LEMD1: variants seen among roughly 807,000 people sequenced by gnomAD.
LEMD1 encodes the protein LEM domain-containing protein 1.
Under a neutral mutation model 17.4 loss-of-function variants are expected in LEMD1, and 18 were observed. The ratio of observed to expected loss-of-function variants is 1.04; its 90% CI spans 0.72 to 1.54. The LOEUF is 1.54. Among genes scored for constraint, LEMD1 ranks in the 40% most tolerant of loss-of-function variants. The pLI is 0.00. For synonymous variants in LEMD1, 88 were observed against 77.8 expected (o/e 1.13, Z -0.69); for missense variants, 195 against 210.4 (o/e 0.93, Z 0.45).
upstream of LEMD1, among the ~76,000 whole-genome samples, chr1:205,423,630 T>C (rs1359484322): frequency 6.6e-6 from 1 of 152,238 alleles, no homozygotes; most frequent in Non-Finnish European, 1.5e-5. Flanking sequence ...AATTATTCTC[T>C]TGAAAATCCA....
At chr1:205,438,722 T>A (rs925463944) in intron 1 of LEMD1, among the ~76,000 whole-genome samples, 1 of 151,962 alleles carries the variant, frequency 6.6e-6, no homozygotes, top group Non-Finnish European at 1.5e-5. Flanking sequence ...AGAGGACAAC[T>A]GGACCTCCAC....
intron 1 of LEMD1, among the ~76,000 whole-genome samples, chr1:205,443,550 C>G (rs1307193124): frequency 3.9e-5 from 6 of 152,130 alleles, no homozygotes; most frequent in Non-Finnish European, 7.4e-5. Context: ...TAGCCTGGCT[C>G]CCGAGAGGTG....
rs1666442113 is a variant in LEMD1 at position 205,448,480 on chromosome 1, C to A, written c.-39+1388G>T. 1.2e-5 allele frequency: 6 copies of A among 496,558 alleles called. No homozygotes were observed. The highest frequency in any genetic ancestry group is 8.8e-5 in the South Asian group (6 of 68,012). The allele number at this position is 496,558 out of a possible 1,614,324, so 30.8% of individuals were successfully genotyped here. A position where few individuals can be genotyped will look rare whatever the true frequency, so the allele number is the denominator to read the frequency against. On this transcript the variant is annotated intron_variant, in intron 1 of 3. Coordinates refer to the LEMD1 transcript ENST00000367154. This position sits in a 1 kb window ranked among gnomAD's most constrained non-coding sequence, Gnocchi z 4.7. The stretch of plus-strand genomic sequence containing the variant: ...GCCCTCACTCCCCTTCTCAGCACCC[C>A]CGACCCCAGACCCACCCACACTGCC...
chr1:205,436,476 A>G (rs765904216), intron 1 of LEMD1: 1 of 150,658 alleles, frequency 6.6e-6, no homozygotes, highest in African/African-American at 2.4e-5. Flanking sequence ...ACTGGCCACA[A>G]TAACCCCGGC....
chr1:205,432,916 T>A (rs1286556957), intron 1 of LEMD1, among the ~76,000 whole-genome samples: 2 of 152,112 alleles, frequency 1.3e-5, no homozygotes, highest in African/African-American at 4.8e-5. Flanking sequence ...GAAGCTGAGG[T>A]GAGAAGACCA....
chr1:205,438,632 C>A (rs756320413), intron 1 of LEMD1, among the ~76,000 whole-genome samples: 7 of 152,192 alleles, frequency 4.6e-5, no homozygotes, highest in Admixed American at 3.3e-4. Context: ...GAAGCTGCTA[C>A]CTCCTGCTCA....
At chr1:205,422,458 T>G (rs1200578427), upstream of LEMD1, among the ~76,000 whole-genome samples, 1 of 152,144 alleles carries the variant, frequency 6.6e-6, no homozygotes, top group Non-Finnish European at 1.5e-5. Context: ...TTGTTAAGGA[T>G]TATTCAATTA....
chr1:205,414,674 T>G (rs530521083), intron 4 of LEMD1, among the ~76,000 whole-genome samples: 1 of 152,118 alleles, frequency 6.6e-6, no homozygotes, highest in African/African-American at 2.4e-5. Flanking sequence ...TCCTTCCACC[T>G]TGGCCTCCTA....
chr1:205,419,250 T>C lies in LEMD1; in HGVS notation c.185A>G (p.Gln62Arg). 1.2e-6 allele frequency: 2 copies of C among 1,614,242 alleles called. No individual in the cohort carries two copies. The highest frequency in any genetic ancestry group is 1.7e-6 in the Non-Finnish European group (2 of 1,180,034). Residue 62 changes from glutamine (Q) to arginine (R), a missense_variant, in exon 3 of 6, where the codon CAG becomes CGG. Gln to Arg is a conservative substitution (Grantham distance 43). Transcript: ENST00000367153. ...GGTACCTTCGCTGTCATCACTGTCC[T>C]GCGCTCCATCCAGCTCTCTGGGTCC... ...MNGPRELDGA[Q>R]DSDDSEELNI...
intron 1 of LEMD1, chr1:205,437,040 T>A (rs1451387694): frequency 6.5e-6 from 1 of 152,676 alleles, no homozygotes; most frequent in Non-Finnish European, 1.5e-5. Context: ...GCTGTGGCTC[T>A]CCATCCAGAA....
chr1:205,405,734 G>A (rs1351798760), intron 4 of LEMD1, among the ~76,000 whole-genome samples: 9 of 151,782 alleles, frequency 5.9e-5, no homozygotes, highest in African/African-American at 1.5e-4. Context: ...GCTTTGTTCC[G>A]TTGTTGGTGA....
chr1:205,411,704 A>T (rs1665459475), intron 4 of LEMD1, among the ~76,000 whole-genome samples: 1 of 148,842 alleles, frequency 6.7e-6, no homozygotes, highest in Admixed American at 6.6e-5. Context: ...AGAAAAAGGA[A>T]GAAAGAAAGA....
intron 1 of LEMD1, among the ~76,000 whole-genome samples, chr1:205,428,259 C>T (rs566020323): frequency 2.4e-4 from 36 of 152,286 alleles, no homozygotes; most frequent in African/African-American, 8.4e-4. Flanking sequence ...TTTTGCCAAT[C>T]CTGTTACCAA....
chr1:205,394,935 C>T (rs938827119), intron 4 of LEMD1, among the ~76,000 whole-genome samples: 3 of 150,718 alleles, frequency 2.0e-5, no homozygotes, highest in Admixed American at 6.6e-5. Context: ...TGCAGTGAGC[C>T]GAGATCGCCC....
Position 205,410,940 on chromosome 1 carries a change from G to GA in LEMD1, c.270+5291dup. 2.0e-5 allele frequency among the ~76,000 whole-genome samples: 3 copies of GA among 149,578 alleles called. No individual in the cohort carries two copies. The South Asian group carries it at 6.4e-4, about 32-fold the overall frequency. Reference sequence around the variant, plus strand: ...GACAGGAAAGAAAAGAGAAAGAAAGGAAGGGAAAGGAAGAAATAGAGAAAG... The same window carrying GA: ...GACAGGAAAGAAAAGAGAAAGAAAGGAAAGGGAAAGGAAGAAATAGAGAAAG... On this transcript the variant is annotated intron_variant, in intron 4 of 5. Coordinates refer to ENST00000367153, the MANE Select transcript of LEMD1 (RefSeq NM_001199050.2).
At chr1:205,414,432 A>AG (rs1665598182) in intron 4 of LEMD1, among the ~76,000 whole-genome samples, 1 of 150,854 alleles carries the variant, frequency 6.6e-6, no homozygotes, top group Non-Finnish European at 1.5e-5. Flanking sequence ...AAAAAAAAAA[A>AG]AGTTTTTTTT....
intron 1 of LEMD1, chr1:205,440,533 G>C (rs560921690): frequency 1.3e-5 from 2 of 152,452 alleles, no homozygotes; most frequent in Admixed American, 1.3e-4. Context: ...TTTAGCAACA[G>C]CTCTCCTAGC....
chr1:205,414,628 G>T (rs1304753759), intron 4 of LEMD1, among the ~76,000 whole-genome samples: 1 of 151,976 alleles, frequency 6.6e-6, no homozygotes, highest in African/African-American at 2.4e-5. Context: ...TCCCTAGGTT[G>T]CCCAGGCTGA....
intron 4 of LEMD1, among the ~76,000 whole-genome samples, chr1:205,413,375 C>T (rs1020837730): frequency 9.9e-5 from 15 of 152,054 alleles, no homozygotes; most frequent in African/African-American, 3.1e-4. Context: ...GCAGCCTCGA[C>T]ATCCCAAGCC....
Sources: allele counts gnomAD v4.1 joint callset (sites outside exome capture counted in the v4.1 genomes callset), GRCh38; gene constraint gnomAD v4.1.1; non-coding constraint Gnocchi (gnomAD v3.1); transcripts MANE v1.5; gene names NCBI Gene and HGNC (gene_info 2026-07-23, HGNC 2026-07-21).